NF1: variants seen among roughly 807,000 people sequenced by gnomAD.
The protein encoded by NF1 is neurofibromin 1, also known as neurofibromin.
NF1 carries 122 observed loss-of-function variants against 325.7 expected under a neutral mutation model. That is an observed-to-expected ratio of 0.37 (90% CI 0.32 to 0.44). The LOEUF (loss-of-function observed/expected upper bound fraction) is 0.44. Among genes scored for constraint, NF1 ranks in the 20% least tolerant of loss-of-function variants. The pLI is 1.00. For synonymous variants in NF1, 1,091 were observed against 1,186.0 expected, an observed-to-expected ratio of 0.92 and a Z score of 1.65; for missense variants, 2,140 against 3,415.4, an observed-to-expected ratio of 0.63 and a Z score of 9.31.
intron 40 of NF1, among the ~76,000 whole-genome samples, 182 bp downstream of exon 40, chr17:31,335,213 T>C (rs1361064059): frequency 1.7e-3 from 148 of 88,560 alleles, no homozygotes; most frequent in African/African-American, 6.2e-3. Context: ...TGTAAATGTC[T>C]AGTGCATGTC....
chr17:31,230,964 C>T (rs2151432643), intron 24 of NF1, 39 bp downstream of exon 24: 1 of 1,465,202 alleles, frequency 6.8e-7, no homozygotes, highest in South Asian at 1.2e-5. Flanking sequence ...GTGGGTTTTA[C>T]TGTGAGAGTT....
chr17:31,137,642 A>G (rs987921397), intron 1 of NF1: 1 of 151,554 alleles, frequency 6.6e-6, no homozygotes. Flanking sequence ...GGAAATTCCT[A>G]TTGCTTGTCT....
chr17:31,178,307 C>T (rs951474690), intron 5 of NF1, among the ~76,000 whole-genome samples: 1 of 152,170 alleles, frequency 6.6e-6, no homozygotes, highest in African/African-American at 2.4e-5. Flanking sequence ...ACTTTACAGA[C>T]AAGCAAATGC....
chr17:31,312,915 A>G (rs1253193668), intron 36 of NF1, among the ~76,000 whole-genome samples: 1 of 152,012 alleles, frequency 6.6e-6, no homozygotes, highest in African/African-American at 2.4e-5. Context: ...CATATTAACA[A>G]TTTTCTATTG....
intron 1 of NF1, among the ~76,000 whole-genome samples, chr17:31,116,887 C>T (rs1713849662): frequency 6.6e-6 from 1 of 151,366 alleles, no homozygotes; most frequent in Admixed American, 6.6e-5. Context: ...CTGTGTTAGC[C>T]AGGATGGTCT....
chr17:31,172,355 CTCTCTCTCTCTCTCTCTT>C (rs1567821809), intron 5 of NF1, among the ~76,000 whole-genome samples: 33 of 149,472 alleles, frequency 2.2e-4, no homozygotes, highest in Admixed American at 4.0e-4. Context: ...CTCTCTGTCT[CTCTCTCTCTCTCTCTCTT>C]TCTCTCTTTC....
chr17:31,207,645 T>A (rs917780338), intron 12 of NF1, among the ~76,000 whole-genome samples: 5 of 152,176 alleles, frequency 3.3e-5, no homozygotes, highest in Non-Finnish European at 7.4e-5. Context: ...TGCCAAGTAC[T>A]TCACTTTTTT....
At chr17:31,313,973 T>C (rs2068957922) in intron 36 of NF1, 1 of 397,994 alleles carries the variant, frequency 2.5e-6, no homozygotes, top group Non-Finnish European at 4.4e-6. Context: ...GTGAAAATTT[T>C]CTTACCTCAG....
Position 31,229,900 on chromosome 17 carries a change from A to G in NF1, c.2916A>G (p.Leu972=), listed in dbSNP as rs1210119104. The change falls in exon 22 of 58, where the codon CTA becomes CTG. Residue 972 remains leucine, a synonymous_variant. Transcript: ENST00000358273. The part of the protein sequence containing the change: ...EQTIAIMKNL[L]DNHTEGSSEH... ...CCATAGCTATAATGAAGAACTTGCT[A>G]GATAATCATACTGAAGGCAGCTCTG... is the stretch of plus-strand genomic sequence containing the variant. 6.2e-7 allele frequency: 1 copy of G among 1,611,894 alleles called. No individual in the cohort carries two copies. The highest frequency in any genetic ancestry group is 1.3e-5 in the African/African-American group (1 of 74,980).
intron 12 of NF1, 23 bp from the exon 13 acceptor site, chr17:31,214,428 C>T (rs770857418): frequency 1.9e-6 from 3 of 1,563,798 alleles, no homozygotes; most frequent in Non-Finnish European, 2.6e-6. Context: ...ATGTCTGATA[C>T]CATGTTTTTG....
chr17:31,364,147 A>G (rs2151591747), intron 57 of NF1, among the ~76,000 whole-genome samples: 1 of 152,354 alleles, frequency 6.6e-6, no homozygotes, highest in East Asian at 1.9e-4. Flanking sequence ...TTAGCTGTAT[A>G]GAAACCAAAA....
chr17:31,360,555 G>A lies in NF1; in HGVS notation c.8229G>A (p.Leu2743=), dbSNP rs1060503917. The change falls in exon 57 of 58, where the codon CTG becomes CTA. Residue 2743 remains leucine (L), a synonymous_variant. Transcript: ENST00000358273. ...KFLDALIDTY[L]PGIDEETSEE... ...TTGATGCCTTGATTGACACGTACCT[G>A]CCTGGAATTGATGAAGAAACCAGTG... is the stretch of plus-strand genomic sequence containing the variant. 1 of 1,613,930 alleles carries A rather than the reference G, an allele frequency of 6.2e-7. No homozygotes were observed. The highest frequency in any genetic ancestry group is 1.3e-5 in the African/African-American group (1 of 74,870).
intron 1 of NF1, among the ~76,000 whole-genome samples, chr17:31,154,117 G>C (rs1917149139): frequency 7.4e-6 from 1 of 134,646 alleles, no homozygotes; most frequent in South Asian, 2.4e-4. Context: ...GAGTGCAGTG[G>C]TGCGATCTCA....
intron 36 of NF1, among the ~76,000 whole-genome samples, chr17:31,302,352 G>T (rs138062652): frequency 1.3e-5 from 2 of 152,166 alleles, no homozygotes; most frequent in African/African-American, 4.8e-5. Context: ...GTAAAAAGGG[G>T]CAAAAATGTG....
At chr17:31,321,857 T>A (rs985352751) in intron 36 of NF1, 3 of 152,134 alleles carry the variant, frequency 2.0e-5, no homozygotes, top group African/African-American at 7.2e-5. Flanking sequence ...TCTATAGGCC[T>A]GCTACATGCT....
chr17:31,305,841 A>G (rs1567885521), intron 36 of NF1, among the ~76,000 whole-genome samples: 1 of 152,202 alleles, frequency 6.6e-6, no homozygotes, highest in Non-Finnish European at 1.5e-5. Context: ...CCCATCATAC[A>G]GCATTTGGAC....
intron 36 of NF1, among the ~76,000 whole-genome samples, chr17:31,302,108 T>C (rs1374759746): frequency 2.0e-5 from 3 of 152,160 alleles, no homozygotes; most frequent in Non-Finnish European, 4.4e-5. Context: ...ATGTGAATTA[T>C]TCTTCCCCCA....
chr17:31,151,753 G>A (rs2143596903), intron 1 of NF1, among the ~76,000 whole-genome samples: 1 of 152,270 alleles, frequency 6.6e-6, no homozygotes, highest in Non-Finnish European at 1.5e-5. Flanking sequence ...TACCTGTTCA[G>A]TACAGACATA....
chr17:31,109,349 A>G (rs944777873), intron 1 of NF1, among the ~76,000 whole-genome samples: 2 of 151,270 alleles, frequency 1.3e-5, no homozygotes, highest in African/African-American at 4.9e-5. Flanking sequence ...ACTCTCAGCA[A>G]TGCTTTTTTT....
Sources: gnomAD v4.1 joint callset for allele counts (sites outside exome capture counted in the v4.1 genomes callset) on GRCh38, gnomAD v4.1.1 for gene constraint, MANE v1.5 for transcripts, NCBI Gene and HGNC (gene_info 2026-07-23, HGNC 2026-07-21) for gene names.